The following ANKRD36C variants were observed in gnomAD, a reference collection of about 807,000 sequenced individuals.
ANKRD36C encodes ankyrin repeat domain 36C.
A neutral mutation model predicts 276.4 loss-of-function variants in ANKRD36C; 61 were observed. The observed-to-expected ratio is 0.22, with a 90% CI of 0.18 to 0.27. ANKRD36C has a LOEUF of 0.27. ANKRD36C is among the 10% of genes least tolerant of loss of function. The pLI is 1.00. For missense variants in ANKRD36C, 1,447 were observed against 2,032.3 expected, an observed-to-expected ratio of 0.71 and a Z score of 5.54; for synonymous variants, 483 against 680.1, an observed-to-expected ratio of 0.71 and a Z score of 4.51.
chr2:95,960,579 T>A (rs916446066), intron 9 of ANKRD36C, 34 bp from the exon 10 acceptor site: 100 of 1,335,762 alleles, frequency 7.5e-5, no homozygotes, highest in Non-Finnish European at 1.0e-4. Flanking sequence ...AATCAATACC[T>A]AAAGTATATT....
chr2:95,988,566 C>T (rs1333398358), intron 1 of ANKRD36C, among the ~76,000 whole-genome samples: 4 of 151,852 alleles, frequency 2.6e-5, no homozygotes, highest in Admixed American at 2.0e-4. Context: ...TCAGGTTATG[C>T]TTGATGAATA....
intron 36 of ANKRD36C, among the ~76,000 whole-genome samples, chr2:95,916,675 G>A (rs1677106344): frequency 6.6e-6 from 1 of 151,644 alleles, no homozygotes; most frequent in Non-Finnish European, 1.5e-5. Flanking sequence ...CATCTCTTCA[G>A]TGGAAGTGTC....
chr2:95,916,773 C>G (rs1677109861), intron 36 of ANKRD36C, among the ~76,000 whole-genome samples: 1 of 151,614 alleles, frequency 6.6e-6, no homozygotes, highest in East Asian at 2.0e-4. Flanking sequence ...AATAATTTGC[C>G]TAAGTTTCTT....
chr2:95,886,744 T>C (rs1676212290), intron 50 of ANKRD36C, among the ~76,000 whole-genome samples: 1 of 151,790 alleles, frequency 6.6e-6, no homozygotes, highest in Non-Finnish European at 1.5e-5. Context: ...TTCACATCTC[T>C]TAAGTGGAAG....
Position 95,888,177 on chromosome 2 carries a change from T to C in ANKRD36C, c.2960-57A>G, listed in dbSNP as rs577956365. On this transcript the variant is annotated intron_variant, in intron 48 of 66. Transcript: ENST00000456556. The stretch of plus-strand genomic sequence containing the variant: ...TATGTAAATATGATAAAGTTATCCA[T>C]ACATTCATGCACTGTTGGCATCAAG... The C allele has an allele frequency of 6.8e-5, 109 of 1,603,878 alleles. 1 individual carries two copies. The East Asian group carries it at 1.8e-3, about 27-fold the overall frequency.
At chr2:95,956,888 G>C (rs1312177289) in intron 12 of ANKRD36C, 72 bp from the exon 13 acceptor site, 1 of 1,347,008 alleles carries the variant, frequency 7.4e-7, no homozygotes, top group Non-Finnish European at 1.0e-6. Flanking sequence ...ACATAAAAGA[G>C]CACAGTGACT....
intron 59 of ANKRD36C, among the ~76,000 whole-genome samples, chr2:95,870,946 C>T (rs934077483): frequency 7.2e-5 from 11 of 151,776 alleles, no homozygotes; most frequent in East Asian, 5.8e-4. Context: ...TGAAATGAAA[C>T]GAGAAGGGAA....
intron 28 of ANKRD36C, among the ~76,000 whole-genome samples, 161 bp from the exon 29 acceptor site, chr2:95,925,708 T>C (rs1163864535): frequency 2.6e-5 from 4 of 151,480 alleles, no homozygotes; most frequent in Non-Finnish European, 4.4e-5. Flanking sequence ...TGAGGAAATA[T>C]GCGAAGAAAA....
chr2:95,889,868 T>C (rs1230044400), exon 48 of ANKRD36C: 5 of 1,605,340 alleles, frequency 3.1e-6, no homozygotes, highest in Non-Finnish European at 2.6e-6. Context: ...TTGTCACTTG[T>C]AGCCTGAATG....
At chr2:95,977,353 A>G (rs1380147556) in intron 6 of ANKRD36C, among the ~76,000 whole-genome samples, 1 of 152,212 alleles carries the variant, frequency 6.6e-6, no homozygotes, top group Non-Finnish European at 1.5e-5. Flanking sequence ...TCCTAGATCA[A>G]CATGGCCTCT....
At chr2:95,891,581 C>T (rs1043298448) in intron 46 of ANKRD36C, 84 bp downstream of exon 66, 13 of 1,461,870 alleles carry the variant, frequency 8.9e-6, no homozygotes, top group East Asian at 2.5e-5. Context: ...GCAGCTTCAA[C>T]GAACCCCCCG....
At chr2:95,889,088 T>G (rs1243313391) in intron 48 of ANKRD36C, among the ~76,000 whole-genome samples, 1 of 151,570 alleles carries the variant, frequency 6.6e-6, no homozygotes, top group African/African-American at 2.4e-5. Flanking sequence ...GTTTTATAAC[T>G]GAAATCAACA....
At chr2:95,858,204 G>T (rs4243788) in intron 61 of ANKRD36C, among the ~76,000 whole-genome samples, 2 of 150,978 alleles carry the variant, frequency 1.3e-5, no homozygotes, top group East Asian at 3.9e-4. Context: ...GGGCTGTGTC[G>T]GGGGCCATGG....
rs532022387 is a variant in ANKRD36C, at chr2:95,912,870, C to T, written c.2552-435G>A. On this transcript the variant is annotated intron_variant, in intron 40 of 66. Transcript: ENST00000456556. The stretch of plus-strand genomic sequence containing the variant: ...TACAAACATTCATCATGCTCTTTAA[C>T]TTGACCAATAACCGAGAAGGCACAC... 6.9e-4 allele frequency among the ~76,000 whole-genome samples: 105 copies of T among 151,540 alleles called. 1 individual carries two copies. The highest frequency in any genetic ancestry group is 2.2e-3 in the African/African-American group (91 of 41,440).
chr2:95,915,332 A>G (rs1272113924), intron 38 of ANKRD36C, among the ~76,000 whole-genome samples: 1 of 151,582 alleles, frequency 6.6e-6, no homozygotes, highest in Non-Finnish European at 1.5e-5. Context: ...AAGAGGAGTA[A>G]TGAGTCATTG....
At chr2:95,953,529 T>A (rs113070590) in intron 14 of ANKRD36C, among the ~76,000 whole-genome samples, 67 of 149,180 alleles carry the variant, frequency 4.5e-4, no homozygotes, top group Non-Finnish European at 7.8e-4. Flanking sequence ...CATGATTTCT[T>A]TGATAAGTCA....
exon 1 of ANKRD36C, chr2:95,991,725 T>C (rs757868490): frequency 5.6e-6 from 9 of 1,610,044 alleles, no homozygotes; most frequent in African/African-American, 2.7e-5. Flanking sequence ...CGGCTGCAAA[T>C]TGTAGCCTGC....
intron 32 of ANKRD36C, among the ~76,000 whole-genome samples, chr2:95,922,679 G>A (rs1355464991): frequency 2.0e-5 from 3 of 151,492 alleles, no homozygotes; most frequent in Admixed American, 2.0e-4. Context: ...TTGTTAGGAG[G>A]ATCATACTAT....
exon 66 of ANKRD36C, chr2:95,851,724 C>G: frequency 6.6e-7 from 1 of 1,526,332 alleles, no homozygotes; most frequent in Non-Finnish European, 8.9e-7. Context: ...TTTTCTCAAA[C>G]CGCTCAATTT....
Sources: allele counts gnomAD v4.1 joint callset (sites outside exome capture counted in the v4.1 genomes callset), GRCh38; gene constraint gnomAD v4.1.1; transcripts MANE v1.5; gene names NCBI Gene and HGNC (gene_info 2026-07-23, HGNC 2026-07-21).